MGAT4A: variants seen among roughly 807,000 people sequenced by gnomAD.
MGAT4A encodes N-acetylglucosaminyltransferase IVa.
A neutral mutation model predicts 74.1 loss-of-function variants in MGAT4A; 33 were observed. That is an observed-to-expected ratio of 0.45 (90% confidence interval 0.34 to 0.60). The LOEUF (loss-of-function observed/expected upper bound fraction) is 0.60, where lower values mean the gene tolerates loss of function less well. Ranked by LOEUF, MGAT4A falls within the 20% of genes least tolerant of loss-of-function variation. MGAT4A has a pLI of 0.02. For synonymous variants in MGAT4A, 198 were observed against 210.4 expected, an observed-to-expected ratio of 0.94 and a Z score of 0.51; for missense variants, 479 against 628.3, an observed-to-expected ratio of 0.76 and a Z score of 2.54.
At chr2:98,625,926 A>G in intron 14 of MGAT4A, 91 bp from the exon 15 acceptor site, 1 of 801,448 alleles carries the variant, frequency 1.2e-6, no homozygotes, top group Middle Eastern at 2.4e-4. Context: ...ATACACCAAA[A>G]TATTTCTAGT....
intron 2 of MGAT4A, among the ~76,000 whole-genome samples, chr2:98,682,143 C>T (rs989754475): frequency 2.0e-5 from 3 of 152,156 alleles, no homozygotes; most frequent in African/African-American, 7.2e-5. Flanking sequence ...GCCATTTGGG[C>T]CAGGTGCGGT....
chr2:98,717,899 G>A (rs182083984), intron 2 of MGAT4A, among the ~76,000 whole-genome samples: 28 of 152,284 alleles, frequency 1.8e-4, no homozygotes, highest in Admixed American at 1.7e-3. Flanking sequence ...GAATGATGAC[G>A]GCGTATTCCA....
chr2:98,704,473 G>A (rs1457006915), intron 2 of MGAT4A, among the ~76,000 whole-genome samples: 2 of 152,178 alleles, frequency 1.3e-5, no homozygotes, highest in Non-Finnish European at 2.9e-5. Flanking sequence ...GCAGGGTGCG[G>A]TGGCATGCTC....
chr2:98,730,408 G>C (rs771495501), intron 1 of MGAT4A, among the ~76,000 whole-genome samples: 1 of 152,144 alleles, frequency 6.6e-6, no homozygotes. Flanking sequence ...AGAGAGCTGA[G>C]GCCTGGGGAA....
Position 98,678,491 on chromosome 2 carries a change from A to C in MGAT4A, c.95-20T>G, listed in dbSNP as rs775894705. 3.3e-6 allele frequency: 5 copies of C among 1,536,150 alleles called. No homozygotes were observed. In the African/African-American group the frequency reaches 6.8e-5, roughly 21 times the overall value. Reference sequence around the variant, plus strand: ...GTTTTTCTAGAAGCAAAACCAAAACAGTTATAGTATATGTCTTAAAACAAA... The same window carrying C: ...GTTTTTCTAGAAGCAAAACCAAAACCGTTATAGTATATGTCTTAAAACAAA... On this transcript the variant is annotated intron_variant, in intron 2 of 15. Coordinates refer to ENST00000393487, the MANE Select transcript of MGAT4A (RefSeq NM_012214.3).
Position 98,675,028 on chromosome 2 carries a change from A to C in MGAT4A, c.403+7T>G. On this transcript the variant is annotated splice_region_variant and intron_variant, in intron 4 of 15. Coordinates refer to ENST00000393487, the MANE Select transcript of MGAT4A (RefSeq NM_012214.3). The stretch of plus-strand genomic sequence containing the variant: ...TACAACTGCAGTAAGAAACAAAATA[A>C]ACATACCTCCTGTTCTTCCGTTGCC... 1 of 1,608,046 alleles carries C rather than the reference A, an allele frequency of 6.2e-7. No individual in the cohort carries two copies. The highest frequency in any genetic ancestry group is 1.1e-5 in the South Asian group (1 of 89,348).
At chr2:98,700,752 G>A (rs568369875) in intron 2 of MGAT4A, among the ~76,000 whole-genome samples, 11 of 151,892 alleles carry the variant, frequency 7.2e-5, no homozygotes, top group Non-Finnish European at 1.0e-4. Context: ...TTAGCCAGCC[G>A]TGGTGGCGGG....
Position 98,623,521 on chromosome 2 carries a change from T to TTTTC in MGAT4A, c.*2044_*2045insGAAA. On this transcript the variant is annotated 3_prime_UTR_variant, in exon 16 of 16. Transcript: ENST00000393487. ...GTGCCAAAATTTTATGACAAAAGGT[T>TTTTC]ATTCCTGTTTTTGAATGAAATTTGC... 3 of 985,426 alleles carry TTTTC rather than the reference T, an allele frequency of 3.0e-6. No homozygotes were observed. The highest frequency in any genetic ancestry group is 3.6e-6 in the Non-Finnish European group (3 of 829,924). 61.0% of individuals were successfully genotyped at this position (985,426 alleles called of 1,614,324 possible). A position where few individuals can be genotyped will look rare whatever the true frequency, so the allele number is the denominator to read the frequency against.
At chr2:98,663,465 T>C (rs1701782890) in intron 4 of MGAT4A, 1 of 1,453,938 alleles carries the variant, frequency 6.9e-7, no homozygotes, top group Non-Finnish European at 9.1e-7. Flanking sequence ...CAAACTGTAT[T>C]TTACAACTAA....
chr2:98,719,670 G>A (rs1222372519), intron 2 of MGAT4A, among the ~76,000 whole-genome samples: 1 of 152,118 alleles, frequency 6.6e-6, no homozygotes, highest in Non-Finnish European at 1.5e-5. Context: ...TTTTAAGATG[G>A]AGTCTAGCTC....
intron 12 of MGAT4A, among the ~76,000 whole-genome samples, chr2:98,638,171 CCT>C (rs964444102): frequency 6.6e-6 from 1 of 151,968 alleles, no homozygotes; most frequent in African/African-American, 2.4e-5. Flanking sequence ...TGAAACTGTC[CCT>C]GTTATCTCAC....
chr2:98,623,681 C>CT lies in MGAT4A; in HGVS notation c.*1884dup, dbSNP rs1434794189. On this transcript the variant is annotated 3_prime_UTR_variant, in exon 16 of 16. Coordinates refer to ENST00000393487, the MANE Select transcript of MGAT4A (RefSeq NM_012214.3). Reference sequence around the variant, plus strand: ...AAATCATTTTTGGCAATGTGATTGACTTTTCAATCAAGAAAAGTAACTAAA... The same window carrying CT: ...AAATCATTTTTGGCAATGTGATTGACTTTTTCAATCAAGAAAAGTAACTAAA... The CT allele has an allele frequency of 1.0e-6, 1 of 985,172 alleles. No individual in the cohort carries two copies. Among genetic ancestry groups the CT allele is most frequent in the African/African-American group, 1.7e-5 (1 of 57,208 alleles). 61.0% of individuals were successfully genotyped at this position (985,172 alleles called of 1,614,324 possible). A position where few individuals can be genotyped will look rare whatever the true frequency, so the allele number is the denominator to read the frequency against.
chr2:98,725,332 A>G (rs1422253251), intron 2 of MGAT4A, among the ~76,000 whole-genome samples: 1 of 152,186 alleles, frequency 6.6e-6, no homozygotes, highest in Non-Finnish European at 1.5e-5. Flanking sequence ...ATGCACATAC[A>G]GATATATACA....
chr2:98,685,615 G>A (rs1702118309), intron 2 of MGAT4A, among the ~76,000 whole-genome samples: 1 of 152,172 alleles, frequency 6.6e-6, no homozygotes, highest in African/African-American at 2.4e-5. Flanking sequence ...GTGAACAGCA[G>A]TCCAAATGAA....
intron 13 of MGAT4A, among the ~76,000 whole-genome samples, chr2:98,636,113 C>G (rs1454965377): frequency 6.6e-6 from 1 of 151,992 alleles, no homozygotes; most frequent in Admixed American, 6.5e-5. Context: ...GTGCCTCAGC[C>G]TCCCGAGTAG....
At chr2:98,681,137 C>T (rs915729835) in intron 2 of MGAT4A, among the ~76,000 whole-genome samples, 36 of 152,252 alleles carry the variant, frequency 2.4e-4, no homozygotes, top group African/African-American at 8.4e-4. Context: ...CGCCCGCCAC[C>T]ATGCCCGGCT....
At position 98,678,250 on chromosome 2, in the gene MGAT4A, AT is replaced by A. The variant is rs1168875298; in HGVS notation, c.262+53del. ...GTCTCAAAGAAAAAAAAAAAAAAAA[AT>A]ATATATATATATATATAAAATCTTT... On this transcript the variant is annotated intron_variant, in intron 3 of 15. Transcript: ENST00000393487. The A allele has an allele frequency of 5.5e-3, 1,527 of 275,756 alleles. 10 individuals carry two copies. The highest frequency in any genetic ancestry group is 0.035 in the African/African-American group (830 of 23,564). The allele number at this position is 275,756 out of a possible 1,614,324, so 17.1% of individuals were successfully genotyped here.
chr2:98,685,332 T>C lies in MGAT4A; in HGVS notation c.95-6861A>G, dbSNP rs1285985893. Among the ~76,000 whole-genome samples the C allele has an allele frequency of 1.3e-4, 19 of 151,962 alleles. 1 individual carries two copies. Among genetic ancestry groups the C allele is most frequent in the Admixed American group, 1.2e-3 (19 of 15,246 alleles). ...TCCACAGATAAATTTTTTTTAAATA[T>C]GAATGAGGAAGGTTTTTAGTAAGAT... On this transcript the variant is annotated intron_variant, in intron 2 of 15. Coordinates refer to ENST00000393487, the MANE Select transcript of MGAT4A (RefSeq NM_012214.3).
At chr2:98,668,565 T>C (rs1177461681) in intron 4 of MGAT4A, among the ~76,000 whole-genome samples, 1 of 152,200 alleles carries the variant, frequency 6.6e-6, no homozygotes, top group Non-Finnish European at 1.5e-5. Context: ...GGAAGGGACA[T>C]GTGGGGTCAG....
Sources: allele counts gnomAD v4.1 joint callset (sites outside exome capture counted in the v4.1 genomes callset), GRCh38; gene constraint gnomAD v4.1.1; transcripts MANE v1.5; gene names NCBI Gene and HGNC (gene_info 2026-07-23, HGNC 2026-07-21).